The following LTB4R variants were observed in gnomAD, a reference collection of about 807,000 sequenced individuals.
LTB4R encodes leukotriene B4 receptor, also known as leukotriene B4 receptor 1.
For synonymous variants in LTB4R, 250 were observed against 230.7 expected (o/e 1.08, Z -0.76); for missense variants, 470 against 485.6 (o/e 0.97, Z 0.30).
In LTB4R at chr14:24,315,929, G is replaced by C. The variant is rs2041764501; in HGVS notation, c.278G>C (p.Cys93Ser). ...WSFGLAGCRLCHYVCGVSMYA... is the reference protein window; with the variant it reads ...WSFGLAGCRLSHYVCGVSMYA... ...TTTGGACTGGCTGGTTGCCGCCTGT[G>C]TCACTATGTCTGCGGAGTCAGCATG... The change falls in exon 2 of 2, where the codon TGT (cysteine) becomes TCT (serine). Residue 93 changes from cysteine (C) to serine (S), a missense_variant. Cys to Ser is a moderately radical substitution (Grantham distance 112, BLOSUM62 -1). Transcript: ENST00000345363. 2 of 1,614,168 alleles carry C rather than the reference G, an allele frequency of 1.2e-6. No individual in the cohort carries two copies. Among genetic ancestry groups the C allele is most frequent in the African/African-American group, 1.3e-5 (1 of 75,066 alleles).
chr14:24,313,105 G>A (rs1051697546), intron 1 of LTB4R, among the ~76,000 whole-genome samples: 9 of 152,174 alleles, frequency 5.9e-5, no homozygotes, highest in African/African-American at 2.2e-4. Flanking sequence ...TGCTTAGAGT[G>A]CCTGGTCCTG....
intron 1 of LTB4R, chr14:24,314,173 G>T (rs1175777874): frequency 2.6e-5 from 4 of 152,226 alleles, no homozygotes; most frequent in African/African-American, 9.7e-5. Context: ...ACTCAGCAGG[G>T]TAACCACATG....
At chr14:24,311,973 C>G (rs896592238) in intron 1 of LTB4R, 169 bp downstream of exon 1, 2 of 513,900 alleles carry the variant, frequency 3.9e-6, no homozygotes, top group South Asian at 3.8e-5. Flanking sequence ...TGGCATGTAC[C>G]CATGTGCCAG....
chr14:24,311,580 C>T lies in LTB4R; in HGVS notation c.-240C>T, dbSNP rs201186598. ...CCGGGCAGGTCCCCGTTTCCTCACG[C>T]GGCTCTTCGAAGGCTCTGGGGAGGC... On this transcript the variant is annotated 5_prime_UTR_variant, in exon 1 of 2. Coordinates refer to ENST00000345363, the MANE Select transcript of LTB4R (RefSeq NM_001143919.3). The T allele has an allele frequency of 2.8e-5, 45 of 1,611,192 alleles. No individual in the cohort carries two copies. The African/African-American group carries it at 5.6e-4, about 20-fold the overall frequency.
Position 24,315,717 on chromosome 14 carries a change from C to T in LTB4R, c.66C>T (p.Ile22=), listed in dbSNP as rs1326661219. 4.3e-6 allele frequency: 7 copies of T among 1,614,238 alleles called. No individual in the cohort carries two copies. Among genetic ancestry groups the T allele is most frequent in the Non-Finnish European group, 4.2e-6 (5 of 1,180,032 alleles). The change falls in exon 2 of 2, where the codon ATC becomes ATT. Residue 22 remains isoleucine, a synonymous_variant. Coordinates refer to ENST00000345363, the MANE Select transcript of LTB4R (RefSeq NM_001143919.3). ...LGVEFISLLA[I]ILLSVALAVG... ...TAGAGTTCATCTCTCTGCTGGCTAT[C>T]ATCCTGCTGTCAGTGGCGCTGGCTG... is the stretch of plus-strand genomic sequence containing the variant.
At chr14:24,313,931 A>G (rs892096630) in intron 1 of LTB4R, 1 of 152,184 alleles carries the variant, frequency 6.6e-6, no homozygotes, top group African/African-American at 2.4e-5. Context: ...CAAGGAAAGG[A>G]GACATTCCTC....
intron 1 of LTB4R, chr14:24,312,048 T>G (rs887935931): frequency 2.9e-6 from 1 of 344,352 alleles, no homozygotes; most frequent in Non-Finnish European, 5.5e-6. Context: ...AGATGATGAC[T>G]TAAGTGTGCT....
Position 24,315,833 on chromosome 14 carries a change from C to CCCTGGCCGA in LTB4R, c.191_199dup (p.Asp64_Ala66dup). 1.9e-6 allele frequency: 3 copies of CCCTGGCCGA among 1,614,262 alleles called. No homozygotes were observed. Among genetic ancestry groups the CCCTGGCCGA allele is most frequent in the Non-Finnish European group, 2.5e-6 (3 of 1,180,040 alleles). On this transcript the variant is annotated inframe_insertion, in exon 2 of 2. Coordinates refer to ENST00000345363, the MANE Select transcript of LTB4R (RefSeq NM_001143919.3). ...ACTGCCCTGATGGTGCTGAACCTGGCCCTGGCCGACCTGGCCGTATTGCTC... is the reference window on the plus strand; with the variant it reads ...ACTGCCCTGATGGTGCTGAACCTGGCCCTGGCCGACCTGGCCGACCTGGCCGTATTGCTC...
chr14:24,316,826 C>A lies in LTB4R; in HGVS notation c.*116C>A. 4 of 843,580 alleles carry A rather than the reference C, an allele frequency of 4.7e-6. No homozygotes were observed. The highest frequency in any genetic ancestry group is 2.5e-5 in the South Asian group (1 of 39,430). The allele number at this position is 843,580 out of a possible 1,614,324, so 52.3% of individuals were successfully genotyped here. On this transcript the variant is annotated 3_prime_UTR_variant, in exon 2 of 2. Coordinates refer to ENST00000345363, the MANE Select transcript of LTB4R (RefSeq NM_001143919.3). ...GTGGAGGGCGTGGGAGCGTGGGAGG[C>A]GGGAGTGGAGTGGAAGAAGAGGGAG...
At position 24,315,913 on chromosome 14, in the gene LTB4R, G is replaced by C; in HGVS notation, c.262G>C (p.Ala88Pro). The C allele has an allele frequency of 6.2e-7, 1 of 1,614,172 alleles. No homozygotes were observed. Among genetic ancestry groups the C allele is most frequent in the Non-Finnish European group, 8.5e-7 (1 of 1,180,044 alleles). The part of the protein sequence containing the change: ...LAQGTWSFGL[A>P]GCRLCHYVCG... ...CCAAGGCACCTGGAGTTTTGGACTG[G>C]CTGGTTGCCGCCTGTGTCACTATGT... is the stretch of plus-strand genomic sequence containing the variant. Residue 88 changes from alanine (A) to proline (P), a missense_variant, in exon 2 of 2, where the codon GCT (alanine) becomes CCT (proline). Ala to Pro is a conservative substitution (Grantham distance 27). Transcript: ENST00000345363.
Position 24,316,774 on chromosome 14 carries a change from TGGA to T in LTB4R, c.*72_*74del, listed in dbSNP as rs2041779598. 7.5e-7 allele frequency: 1 copy of T among 1,338,842 alleles called. No homozygotes were observed. Among genetic ancestry groups the T allele is most frequent in the South Asian group, 1.5e-5 (1 of 64,934 alleles). The allele number at this position is 1,338,842 out of a possible 1,614,324, so 82.9% of individuals were successfully genotyped here. A position where few individuals can be genotyped will look rare whatever the true frequency, so the allele number is the denominator to read the frequency against. On this transcript the variant is annotated 3_prime_UTR_variant, in exon 2 of 2. Coordinates refer to ENST00000345363, the MANE Select transcript of LTB4R (RefSeq NM_001143919.3). ...GCTAGCTCTGAGCCAGTTCAGTACC[TGGA>T]GGAGGAGCAGGGGCGTGGAGGGCGT... is the stretch of plus-strand genomic sequence containing the variant.
chr14:24,314,235 G>T (rs2041750289), intron 1 of LTB4R: 1 of 152,246 alleles, frequency 6.6e-6, no homozygotes, highest in South Asian at 2.1e-4. Context: ...GGCATTCTGT[G>T]TGATACCAAG....
chr14:24,311,906 TGA>T (rs946659578), intron 1 of LTB4R, 102 bp downstream of exon 1: 6 of 637,532 alleles, frequency 9.4e-6, no homozygotes, highest in African/African-American at 7.3e-5. Context: ...TCCTCCAAAC[TGA>T]GGGATTATGA....
intron 1 of LTB4R, 136 bp from the exon 2 acceptor site, chr14:24,315,501 G>A: frequency 1.6e-6 from 1 of 617,678 alleles, no homozygotes; most frequent in Non-Finnish European, 2.9e-6. Flanking sequence ...GCAGCGATGG[G>A]GGCAGTATAT....
chr14:24,316,788 G>C lies in LTB4R; in HGVS notation c.*78G>C, dbSNP rs2041779801. The C allele has an allele frequency of 2.1e-6, 2 of 933,726 alleles. No individual in the cohort carries two copies. The highest frequency in any genetic ancestry group is 4.6e-5 in the South Asian group (2 of 43,174). The allele number at this position is 933,726 out of a possible 1,614,324, so 57.8% of individuals were successfully genotyped here. A position where few individuals can be genotyped will look rare whatever the true frequency, so the allele number is the denominator to read the frequency against. The stretch of plus-strand genomic sequence containing the variant: ...AGTTCAGTACCTGGAGGAGGAGCAG[G>C]GGCGTGGAGGGCGTGGAGGGCGTGG... On this transcript the variant is annotated 3_prime_UTR_variant, in exon 2 of 2. Coordinates refer to ENST00000345363, the MANE Select transcript of LTB4R (RefSeq NM_001143919.3).
rs766826554 is a variant in LTB4R at position 24,316,129 on chromosome 14, C to T, written c.478C>T (p.Pro160Ser). 12 of 1,613,730 alleles carry T rather than the reference C, an allele frequency of 7.4e-6. No individual in the cohort carries two copies. The East Asian group carries it at 2.7e-4, about 36-fold the overall frequency. ...CGTCCTCGCGTACCGCACAGTAGTG[C>T]CCTGGAAAACGAACATGAGCCTGTG... is the stretch of plus-strand genomic sequence containing the variant. ...TPVLAYRTVV[P>S]WKTNMSLCFP... Residue 160 changes from proline (P) to serine (S), a missense_variant, in exon 2 of 2, where the codon CCC becomes TCC. By Grantham distance (74) the Pro-to-Ser change is moderately conservative. Coordinates refer to ENST00000345363, the MANE Select transcript of LTB4R (RefSeq NM_001143919.3).
rs1313244817 is a variant in LTB4R, at chr14:24,311,515, A to T, written c.-305A>T. The stretch of plus-strand genomic sequence containing the variant: ...TTGGCCTTCTTCAGTTCTAGCGTCA[A>T]CCCGGTGCTCTACGTCTTCACCGCT... On this transcript the variant is annotated 5_prime_UTR_variant, in exon 1 of 2. Coordinates refer to ENST00000345363, the MANE Select transcript of LTB4R (RefSeq NM_001143919.3). 6.2e-7 allele frequency: 1 copy of T among 1,603,070 alleles called. No individual in the cohort carries two copies. Among genetic ancestry groups the T allele is most frequent in the Admixed American group, 1.7e-5 (1 of 60,030 alleles).
chr14:24,316,271 G>C lies in LTB4R; in HGVS notation c.620G>C (p.Arg207Pro), dbSNP rs1301217700. The C allele has an allele frequency of 1.2e-6, 2 of 1,611,352 alleles. No individual in the cohort carries two copies. Among genetic ancestry groups the C allele is most frequent in the African/African-American group, 2.7e-5 (2 of 74,918 alleles). The change falls in exon 2 of 2, where the codon CGG (arginine) becomes CCG (proline). Residue 207 changes from arginine (R) to proline (P), a missense_variant. Transcript: ENST00000345363. ...GCCAGCTACTCGGACATAGGGCGTC[G>C]GCTACAGGCCCGGCGCTTCCGCCGC... ...VVASYSDIGR[R>P]LQARRFRRSR...
Position 24,311,569 on chromosome 14 carries a change from G to A in LTB4R, c.-251G>A, listed in dbSNP as rs909508585. On this transcript the variant is annotated 5_prime_UTR_variant, in exon 1 of 2. Transcript: ENST00000345363. Reference sequence around the variant, plus strand: ...GATCTGCTGCCCCGGGCAGGTCCCCGTTTCCTCACGCGGCTCTTCGAAGGC... The same window carrying A: ...GATCTGCTGCCCCGGGCAGGTCCCCATTTCCTCACGCGGCTCTTCGAAGGC... 7 of 1,610,184 alleles carry A rather than the reference G, an allele frequency of 4.3e-6. No individual in the cohort carries two copies. Among genetic ancestry groups the A allele is most frequent in the African/African-American group, 1.3e-5 (1 of 75,072 alleles).
Sources: allele counts gnomAD v4.1 joint callset (sites outside exome capture counted in the v4.1 genomes callset), GRCh38; gene constraint gnomAD v4.1.1; transcripts MANE v1.5; gene names NCBI Gene and HGNC (gene_info 2026-07-23, HGNC 2026-07-21).